Variants in GLB1 observed in about 807,000 individuals in gnomAD.
GLB1 encodes the protein galactosidase beta 1.
In GLB1, 56 loss-of-function variants were observed where a neutral mutation model predicts 74.0. That is an observed-to-expected ratio of 0.76 (90% confidence interval 0.61 to 0.94). The LOEUF is 0.94. Among genes scored for constraint, GLB1 ranks in the 40% least tolerant of loss-of-function variants. The pLI is 0.00. For synonymous variants in GLB1, 323 were observed against 323.6 expected (o/e 1.00, Z 0.02); for missense variants, 787 against 845.5 (o/e 0.93, Z 0.86).
intron 15 of GLB1, among the ~76,000 whole-genome samples, chr3:33,012,606 T>A (rs1168936988): frequency 6.6e-6 from 1 of 152,210 alleles, no homozygotes; most frequent in Non-Finnish European, 1.5e-5. Context: ...ACCCAGCTTA[T>A]GGTATTTTGT....
At position 33,065,506 on chromosome 3, in the gene GLB1, T is replaced by C; in HGVS notation, c.509A>G (p.Lys170Arg). ...CCCTCCATTCTGATAGAGGAGAGGC[T>C]TCATCTTGGGCAGAAGGACTCCCAA... ...KWLGVLLPKM[K>R]PLLYQNGGPV... Residue 170 changes from lysine to arginine, a missense_variant, in exon 5 of 16, where the codon AAG becomes AGG. Lys to Arg is a conservative substitution (Grantham distance 26). Transcript: ENST00000307363. 1 of 1,586,882 alleles carries C rather than the reference T, an allele frequency of 6.3e-7. No individual in the cohort carries two copies. The highest frequency in any genetic ancestry group is 8.6e-7 in the Non-Finnish European group (1 of 1,163,092).
rs550698466 is a variant in GLB1 at position 33,090,489 on chromosome 3, A to G, written c.75+6522T>C. ...GACAGCATCATATACTACAGACACTATTGCTGATTTTCAAAAAGCATTGCA... is the reference window on the plus strand; with the variant it reads ...GACAGCATCATATACTACAGACACTGTTGCTGATTTTCAAAAAGCATTGCA... On this transcript the variant is annotated intron_variant, in intron 1 of 15. Coordinates refer to ENST00000307363, the MANE Select transcript of GLB1 (RefSeq NM_000404.4). 25 of 985,430 alleles carry G rather than the reference A, an allele frequency of 2.5e-5. No individual in the cohort carries two copies. The East Asian group carries it at 2.5e-3, about 98-fold the overall frequency. The allele number at this position is 985,430 out of a possible 1,614,324, so 61.0% of individuals were successfully genotyped here. A position where few individuals can be genotyped will look rare whatever the true frequency, so the allele number is the denominator to read the frequency against.
the GLB1 span, among the ~76,000 whole-genome samples, chr3:32,972,598 A>T: frequency 6.6e-6 from 1 of 152,144 alleles, no homozygotes; most frequent in Non-Finnish European, 1.5e-5. Flanking sequence ...TATGGAGGCA[A>T]TAGTAGCCTG....
intron 15 of GLB1, among the ~76,000 whole-genome samples, chr3:33,000,325 T>A (rs1559376421): frequency 6.6e-6 from 1 of 152,220 alleles, no homozygotes; most frequent in Non-Finnish European, 1.5e-5. Flanking sequence ...TTAGTGATAC[T>A]ATAAAGAGTA....
At chr3:32,976,508 G>A in the GLB1 span, among the ~76,000 whole-genome samples, 2 of 152,314 alleles carry the variant, frequency 1.3e-5, no homozygotes, top group African/African-American at 4.8e-5. Context: ...TTGGAAACGT[G>A]GCCCCGAAGC....
chr3:33,030,952 A>C, intron 10 of GLB1: 1 of 436,520 alleles, frequency 2.3e-6, no homozygotes, highest in Non-Finnish European at 3.0e-6. Flanking sequence ...TTCATCCTCG[A>C]GGTCAAAGTG....
In GLB1 at chr3:33,014,043, T is replaced by A. The variant is rs756905016; in HGVS notation, c.1734+13A>T. 5.6e-6 allele frequency: 9 copies of A among 1,614,040 alleles called. No individual in the cohort carries two copies. The African/African-American group carries it at 1.2e-4, about 22-fold the overall frequency. ...TAGGCCTGAATTCAAACCCTTCCCATGAAGACACGTACCTTGGTCCATCCA... is the reference window on the plus strand; with the variant it reads ...TAGGCCTGAATTCAAACCCTTCCCAAGAAGACACGTACCTTGGTCCATCCA... On this transcript the variant is annotated intron_variant, in intron 15 of 15. Coordinates refer to ENST00000307363, the MANE Select transcript of GLB1 (RefSeq NM_000404.4).
intron 9 of GLB1, among the ~76,000 whole-genome samples, chr3:33,049,533 C>T (rs551152494): frequency 6.6e-6 from 1 of 152,288 alleles, no homozygotes; most frequent in African/African-American, 2.4e-5. Context: ...TCTCCTGCCT[C>T]AGTCTCCCGA....
At chr3:33,062,676 T>C (rs765182322) in intron 5 of GLB1, among the ~76,000 whole-genome samples, 1 of 152,086 alleles carries the variant, frequency 6.6e-6, no homozygotes, top group Non-Finnish European at 1.5e-5. Flanking sequence ...TAGTCCCAGC[T>C]ATTCAGGAGG....
At chr3:33,002,198 A>C (rs1410912780) in intron 15 of GLB1, among the ~76,000 whole-genome samples, 1 of 152,228 alleles carries the variant, frequency 6.6e-6, no homozygotes, top group East Asian at 1.9e-4. Context: ...CACTAAGGCA[A>C]TAATAATAGT....
At chr3:33,030,568 G>T (rs918154922) in intron 10 of GLB1, 24 of 985,282 alleles carry the variant, frequency 2.4e-5, no homozygotes, top group Non-Finnish European at 2.9e-5. Flanking sequence ...CATAAACAGT[G>T]CAGGATGATC....
chr3:33,018,282 T>C (rs1400007952), intron 13 of GLB1, among the ~76,000 whole-genome samples, 166 bp downstream of exon 13: 34 of 55,758 alleles, frequency 6.1e-4, no homozygotes, highest in African/African-American at 3.1e-3. Flanking sequence ...CAAAACCCTG[T>C]CTCAAAAAAA....
chr3:33,046,314 T>C, intron 9 of GLB1, 82 bp from the exon 10 acceptor site: 1 of 1,522,194 alleles, frequency 6.6e-7, no homozygotes, highest in Non-Finnish European at 9.1e-7. Flanking sequence ...AGCTCAGCAC[T>C]GTAGAGAGAG....
intron 15 of GLB1, among the ~76,000 whole-genome samples, chr3:33,011,790 C>T (rs13080709): frequency 0.22 from 33,437 of 152,096 alleles, 3,902 homozygotes; most frequent in African/African-American, 0.27. Flanking sequence ...CAGCTATTAA[C>T]ATAATTTTCT....
intron 10 of GLB1, among the ~76,000 whole-genome samples, chr3:33,028,734 C>T (rs554904310): frequency 1.3e-5 from 2 of 151,348 alleles, no homozygotes; most frequent in East Asian, 1.9e-4. Context: ...GGCACAATCT[C>T]GGCTCACTGC....
chr3:32,991,761 G>A (rs1696226941), downstream of GLB1, among the ~76,000 whole-genome samples: 3 of 152,202 alleles, frequency 2.0e-5, no homozygotes, highest in Admixed American at 2.0e-4. Flanking sequence ...AAGTCATCCT[G>A]GCCCAAATAG....
the GLB1 span, among the ~76,000 whole-genome samples, chr3:32,982,475 A>C: frequency 8.9e-5 from 11 of 123,994 alleles, no homozygotes; most frequent in Admixed American, 3.0e-4. Context: ...TTACCAAAAC[A>C]AAAACAAAAA....
intron 10 of GLB1, among the ~76,000 whole-genome samples, chr3:33,036,608 A>T (rs1698287183): frequency 6.6e-6 from 1 of 152,210 alleles, no homozygotes; most frequent in Non-Finnish European, 1.5e-5. Context: ...TAGCCAAAAG[A>T]TGGAAACAAC....
At chr3:32,974,055 T>C in the GLB1 span, among the ~76,000 whole-genome samples, 1 of 152,198 alleles carries the variant, frequency 6.6e-6, no homozygotes, top group East Asian at 1.9e-4. Flanking sequence ...TTGGCAGCTG[T>C]AGGCCTTGTT....
Sources: gnomAD v4.1 joint callset for allele counts (sites outside exome capture counted in the v4.1 genomes callset) on GRCh38, gnomAD v4.1.1 for gene constraint, MANE v1.5 for transcripts, NCBI Gene and HGNC (gene_info 2026-07-23, HGNC 2026-07-21) for gene names.